The following TSPEAR variants were observed in gnomAD, a reference collection of about 807,000 sequenced individuals.
TSPEAR encodes the protein thrombospondin-type laminin G domain and EAR repeat-containing protein.
In TSPEAR, 69 loss-of-function variants were observed where a neutral mutation model predicts 71.6. The observed-to-expected ratio is 0.96, with a 90% CI of 0.79 to 1.18. TSPEAR has a LOEUF of 1.18. Among genes scored for constraint, TSPEAR ranks in the 50% most tolerant of loss-of-function variants. TSPEAR has a pLI of 0.00. For synonymous variants in TSPEAR, 402 were observed against 387.2 expected (o/e 1.04, Z -0.45); for missense variants, 971 against 894.9 (o/e 1.09, Z -1.09).
chr21:44,657,784 A>T (rs1210381110), intron 1 of TSPEAR: 2 of 609,256 alleles, frequency 3.3e-6, no homozygotes, highest in Non-Finnish European at 5.8e-6. Context: ...GAAGCTATTT[A>T]TGGTGGAGCA....
At chr21:44,646,568 G>A (rs782018680) in intron 1 of TSPEAR, 1 of 1,612,348 alleles carries the variant, frequency 6.2e-7, no homozygotes, top group Non-Finnish European at 8.5e-7. Flanking sequence ...CCCAGCTGCT[G>A]CGCCCCGGCC....
chr21:44,597,173 AAC>A lies in TSPEAR; in HGVS notation c.83-29170_83-29169del, dbSNP rs200033068. On this transcript the variant is annotated intron_variant, in intron 1 of 11. Coordinates refer to ENST00000323084, the MANE Select transcript of TSPEAR (RefSeq NM_144991.3). ...GCTCTGCCAGTTAAAAAAATTAAAA[AAC>A]AGTTTTTTATTTTAATTTTTTAATT... Among the ~76,000 whole-genome samples the A allele has an allele frequency of 6.6e-3, 1,009 of 152,186 alleles. 14 individuals carry two copies. Among genetic ancestry groups the A allele is most frequent in the African/African-American group, 0.023 (937 of 41,542 alleles).
At chr21:44,599,119 G>A (rs1480781346) in intron 1 of TSPEAR, among the ~76,000 whole-genome samples, 1 of 59,160 alleles carries the variant, frequency 1.7e-5, no homozygotes, top group Non-Finnish European at 4.9e-5. Flanking sequence ...CCATATGGAA[G>A]CAGAGGCCCC....
intron 1 of TSPEAR, among the ~76,000 whole-genome samples, chr21:44,586,140 G>A (rs75507131): frequency 0.016 from 2,385 of 152,346 alleles, 58 homozygotes; most frequent in African/African-American, 0.052. Flanking sequence ...GGCACCAGGC[G>A]GTTCTTCTTT....
intron 2 of TSPEAR, among the ~76,000 whole-genome samples, chr21:44,548,325 C>G (rs1397001491): frequency 6.6e-6 from 1 of 152,212 alleles, no homozygotes; most frequent in Non-Finnish European, 1.5e-5. Context: ...AGTTAAAATC[C>G]ACAAGGTTGT....
chr21:44,556,442 C>T lies in TSPEAR; in HGVS notation c.303+11343G>A, dbSNP rs587775537. ...GTGCAGTGGCTCATGCCTGTAATCC[C>T]AGCACTTTGGGAGGCCGAGGCGGGT... On this transcript the variant is annotated intron_variant, in intron 2 of 11. Transcript: ENST00000323084. 6.1e-4 allele frequency among the ~76,000 whole-genome samples: 93 copies of T among 152,010 alleles called. 1 individual carries two copies. Among genetic ancestry groups the T allele is most frequent in the African/African-American group, 2.1e-3 (88 of 41,430 alleles).
rs782680980 is a variant in TSPEAR, at chr21:44,623,117, G to A, written c.83-55112C>T. Among the ~76,000 whole-genome samples the A allele has an allele frequency of 6.6e-6, 1 of 152,152 alleles. No homozygotes were observed. Among genetic ancestry groups the A allele is most frequent in the Non-Finnish European group, 1.5e-5 (1 of 68,030 alleles). On this transcript the variant is annotated intron_variant, in intron 1 of 11. Coordinates refer to ENST00000323084, the MANE Select transcript of TSPEAR (RefSeq NM_144991.3). The surrounding 1 kb of genome is among the most constrained non-coding windows in gnomAD (Gnocchi z 4.5). Reference sequence around the variant, plus strand: ...TCCTGTACAACCTGCAGAACCATGAGCCAACTAAACTTTCGTCTTATAAAT... The same window carrying A: ...TCCTGTACAACCTGCAGAACCATGAACCAACTAAACTTTCGTCTTATAAAT...
chr21:44,574,482 G>C, intron 1 of TSPEAR: 1 of 1,609,168 alleles, frequency 6.2e-7, no homozygotes, highest in South Asian at 1.1e-5. Context: ...CTGCAAGCCT[G>C]TGTGCTCTGA....
chr21:44,580,104 G>A, intron 1 of TSPEAR: 1 of 1,613,788 alleles, frequency 6.2e-7, no homozygotes, highest in Non-Finnish European at 8.5e-7. Flanking sequence ...CAAGTCGGCT[G>A]GCAGCTAGAA....
intron 9 of TSPEAR, chr21:44,519,407 C>G (rs587639987): frequency 1.3e-5 from 2 of 151,834 alleles, no homozygotes; most frequent in African/African-American, 4.9e-5. Flanking sequence ...CCATATCACG[C>G]TCTTGGCCCC....
At chr21:44,570,615 A>G (rs2053778776) in intron 1 of TSPEAR, among the ~76,000 whole-genome samples, 1 of 152,208 alleles carries the variant, frequency 6.6e-6, no homozygotes, top group Non-Finnish European at 1.5e-5. Flanking sequence ...GAAGAAAGGT[A>G]TTGAATCCAA....
chr21:44,518,770 C>T (rs2052667147), intron 9 of TSPEAR: 1 of 451,162 alleles, frequency 2.2e-6, no homozygotes, highest in Non-Finnish European at 4.7e-6. Flanking sequence ...TGTGTGATAA[C>T]GTTTCAAATC....
rs147339591 is a variant in TSPEAR, at chr21:44,506,362, C to T, written c.1755-1481G>A. Among the ~76,000 whole-genome samples the T allele has an allele frequency of 1.8e-4, 27 of 152,388 alleles. No homozygotes were observed. Among genetic ancestry groups the T allele is most frequent in the African/African-American group, 5.0e-4 (21 of 41,602 alleles). ...CATGCACACGCAGGCGTCCTGCTGA[C>T]ATGCAGGCCAGGCGGGTGCCTCTGT... On this transcript the variant is annotated intron_variant, in intron 10 of 11. Transcript: ENST00000323084. The surrounding 1 kb of genome is among the most constrained non-coding windows in gnomAD (Gnocchi z 4.2).
intron 1 of TSPEAR, chr21:44,677,858 C>T: frequency 7.5e-7 from 1 of 1,334,150 alleles, no homozygotes; most frequent in Non-Finnish European, 1.1e-6. Flanking sequence ...GTATGGTTTT[C>T]TCTACTCTTT....
chr21:44,572,377 A>G (rs458762), intron 1 of TSPEAR, among the ~76,000 whole-genome samples: 103,603 of 151,954 alleles, frequency 0.68, 36,577 homozygotes, highest in Non-Finnish European at 0.78. Flanking sequence ...GCTGGGAACC[A>G]ACCTGCGGTG....
chr21:44,537,405 A>G (rs2053107242), intron 2 of TSPEAR, among the ~76,000 whole-genome samples: 1 of 152,266 alleles, frequency 6.6e-6, no homozygotes, highest in Admixed American at 6.5e-5. Flanking sequence ...CTGTTAGGAT[A>G]TATTATGAAG....
intron 2 of TSPEAR, chr21:44,558,474 T>G: frequency 6.2e-7 from 1 of 1,614,008 alleles, no homozygotes; most frequent in Non-Finnish European, 8.5e-7. Context: ...GCTAGACTGC[T>G]GGCAGCACGA....
At chr21:44,704,715 C>T (rs1479068681) in intron 1 of TSPEAR, among the ~76,000 whole-genome samples, 2 of 152,318 alleles carry the variant, frequency 1.3e-5, no homozygotes, top group African/African-American at 4.8e-5. Context: ...AGAGGAGCCT[C>T]GGTGGGTGAC....
rs113161491 is a variant in TSPEAR at position 44,508,866 on chromosome 21, C to T, written c.1754+333G>A. 7,063 of 1,423,404 alleles carry T rather than the reference C, an allele frequency of 5.0e-3. 252 individuals are homozygous for T. The African/African-American group carries it at 0.08, about 16-fold the overall frequency. 88.2% of individuals were successfully genotyped at this position (1,423,404 alleles called of 1,614,324 possible). A position where few individuals can be genotyped will look rare whatever the true frequency, so the allele number is the denominator to read the frequency against. ...CCTCGCACCTGTCCCTCTGGGGCCT[C>T]GGCTATCCCTCCGCACGACGGGCAT... On this transcript the variant is annotated intron_variant, in intron 10 of 11. Transcript: ENST00000323084.
Sources: allele counts gnomAD v4.1 joint callset (sites outside exome capture counted in the v4.1 genomes callset), GRCh38; gene constraint gnomAD v4.1.1; non-coding constraint Gnocchi (gnomAD v3.1); transcripts MANE v1.5; gene names NCBI Gene and HGNC (gene_info 2026-07-23, HGNC 2026-07-21).